KAZN: variants seen among roughly 807,000 people sequenced by gnomAD.
KAZN encodes kazrin.
Under a neutral mutation model 87.4 loss-of-function variants are expected in KAZN, and 40 were observed. The observed-to-expected ratio is 0.46, with a 90% CI of 0.36 to 0.60. KAZN has a LOEUF of 0.60. KAZN is among the 20% of genes least tolerant of loss of function. The pLI is 0.00. For missense variants in KAZN, 898 were observed against 1,073.9 expected, an observed-to-expected ratio of 0.84 and a Z score of 2.29; for synonymous variants, 466 against 458.3, an observed-to-expected ratio of 1.02 and a Z score of -0.22.
chr1:14,818,820 C>T (rs559869552), intron 1 of KAZN, among the ~76,000 whole-genome samples: 44 of 152,100 alleles, frequency 2.9e-4, no homozygotes, highest in South Asian at 2.7e-3. Context: ...TTTGGGAGGC[C>T]GAGGCAGGTG....
chr1:14,525,093 C>G lies in KAZN; in HGVS notation c.250-73890C>G, dbSNP rs184046942. Among the ~76,000 whole-genome samples, 45 of 152,312 alleles carry G rather than the reference C, an allele frequency of 3.0e-4. 1 individual carries two copies. In the East Asian group the frequency reaches 6.2e-3, roughly 21 times the overall value. ...ACACTCAGGTTCAGAGCAGATGACA[C>G]ATGGACATATGTATCAGGGTTGTCC... is the stretch of plus-strand genomic sequence containing the variant. On this transcript the variant is annotated intron_variant, in intron 2 of 16. Transcript: ENST00000636203.
Position 14,819,706 on chromosome 1 carries a change from C to CTTT in KAZN, c.227-140961_227-140959dup, listed in dbSNP as rs775752838. Among the ~76,000 whole-genome samples the CTTT allele has an allele frequency of 1.4e-3, 161 of 117,508 alleles. 2 individuals carry two copies. The highest frequency in any genetic ancestry group is 1.7e-3 in the Non-Finnish European group (101 of 59,016). 77.1% of individuals were successfully genotyped at this position (117,508 alleles called of 152,430 possible). Reference sequence around the variant, plus strand: ...TGAGCCAATTCCTTTGAAAAAAAATCTTTTTTTTTTTTTTTTTTTGAGAAG... The same window carrying CTTT: ...TGAGCCAATTCCTTTGAAAAAAAATCTTTTTTTTTTTTTTTTTTTTTTGAGAAG... On this transcript the variant is annotated intron_variant, in intron 1 of 14. Coordinates refer to ENST00000376030, the MANE Select transcript of KAZN (RefSeq NM_201628.3).
chr1:14,376,732 C>T (rs1324682132), intron 2 of KAZN, among the ~76,000 whole-genome samples: 1 of 152,134 alleles, frequency 6.6e-6, no homozygotes, highest in Non-Finnish European at 1.5e-5. Flanking sequence ...ATCATATGAC[C>T]TCTGTGTGCA....
At chr1:14,366,899 C>T (rs191986167) in intron 2 of KAZN, among the ~76,000 whole-genome samples, 40 of 152,294 alleles carry the variant, frequency 2.6e-4, no homozygotes, top group Admixed American at 4.6e-4. Flanking sequence ...GTCTCACAAA[C>T]GAATGGAAGG....
chr1:14,134,992 CACACACACACAT>C lies in KAZN; in HGVS notation c.92-45442_92-45431del, dbSNP rs1431454233. 1.6e-4 allele frequency among the ~76,000 whole-genome samples: 14 copies of C among 87,674 alleles called. 1 individual carries two copies. Among genetic ancestry groups the C allele is most frequent in the South Asian group, 7.8e-4 (2 of 2,580 alleles). 57.5% of individuals were successfully genotyped at this position (87,674 alleles called of 152,430 possible). A position where few individuals can be genotyped will look rare whatever the true frequency, so the allele number is the denominator to read the frequency against. ...CCGCACACACACACACACACACACA[CACACACACACAT>C]GTGCACACATGCACACATACACTCA... On this transcript the variant is annotated intron_variant, in intron 1 of 16. Coordinates refer to the KAZN transcript ENST00000636203.
intron 10 of KAZN, among the ~76,000 whole-genome samples, chr1:15,098,448 G>A (rs1193008588): frequency 6.6e-6 from 1 of 152,238 alleles, no homozygotes; most frequent in Non-Finnish European, 1.5e-5. Context: ...TGCTGATTAT[G>A]GATGGGCCCC....
chr1:14,557,629 G>GGTGTGTGTGGGT (rs1673972589), intron 2 of KAZN, among the ~76,000 whole-genome samples: 1 of 137,880 alleles, frequency 7.3e-6, no homozygotes, highest in Non-Finnish European at 1.6e-5. Context: ...GGTGTGTGTG[G>GGTGTGTGTGGGT]GTGTGTGTGT....
At chr1:14,225,493 C>T (rs908343958) in intron 2 of KAZN, among the ~76,000 whole-genome samples, 2 of 152,146 alleles carry the variant, frequency 1.3e-5, no homozygotes, top group Non-Finnish European at 2.9e-5. Flanking sequence ...CCTTTTCAAA[C>T]TACCAATGAC....
rs951749282 is a variant in KAZN at position 14,735,152 on chromosome 1, C to T, written c.226+135929C>T. On this transcript the variant is annotated intron_variant, in intron 1 of 14. Coordinates refer to ENST00000376030, the MANE Select transcript of KAZN (RefSeq NM_201628.3). The surrounding 1 kb of genome is among the most constrained non-coding windows in gnomAD (Gnocchi z 4.3). ...TCGGCTCACTGCGAGCTCCGCCTCC[C>T]GGGTTCACTCCATTCTCCTGCCTCA... Among the ~76,000 whole-genome samples, 6 of 152,172 alleles carry T rather than the reference C, an allele frequency of 3.9e-5. No individual in the cohort carries two copies. The highest frequency in any genetic ancestry group is 2.4e-5 in the African/African-American group (1 of 41,448).
intron 2 of KAZN, among the ~76,000 whole-genome samples, chr1:14,290,241 A>G (rs1653576362): frequency 6.6e-6 from 1 of 152,118 alleles, no homozygotes; most frequent in African/African-American, 2.4e-5. Context: ...TAGGTTGGGT[A>G]TTATCTCCTG....
rs181178258 is a variant in KAZN at position 14,816,837 on chromosome 1, A to G, written c.227-143847A>G. On this transcript the variant is annotated intron_variant, in intron 1 of 14. Coordinates refer to ENST00000376030, the MANE Select transcript of KAZN (RefSeq NM_201628.3). Reference sequence around the variant, plus strand: ...AGATGGATGAATGGATGGATAGATGATTGATAGACAGATAGATGGTCCTAG... The same window carrying G: ...AGATGGATGAATGGATGGATAGATGGTTGATAGACAGATAGATGGTCCTAG... Among the ~76,000 whole-genome samples, 46 of 152,310 alleles carry G rather than the reference A, an allele frequency of 3.0e-4. No homozygotes were observed. The East Asian group carries it at 6.4e-3, about 21-fold the overall frequency.
chr1:13,957,977 G>A (rs569261725), intron 1 of KAZN, among the ~76,000 whole-genome samples: 1 of 152,172 alleles, frequency 6.6e-6, no homozygotes, highest in Middle Eastern at 3.2e-3. Flanking sequence ...GAACAGGGAC[G>A]TTCAGTGCTG....
intron 1 of KAZN, among the ~76,000 whole-genome samples, chr1:14,068,367 G>C (rs1438157373): frequency 1.3e-5 from 2 of 152,156 alleles, no homozygotes; most frequent in African/African-American, 2.4e-5. Context: ...TTCTTACCTT[G>C]TGGGCTCCAA....
intron 2 of KAZN, among the ~76,000 whole-genome samples, chr1:14,561,556 C>T (rs1386766300): frequency 2.0e-5 from 3 of 152,074 alleles, no homozygotes; most frequent in Admixed American, 1.3e-4. Context: ...TTTCACATCC[C>T]GGAAGCTGGA....
rs1640930341 is a variant in KAZN at position 15,099,099 on chromosome 1, G to C, written c.1548-2444G>C. On this transcript the variant is annotated intron_variant, in intron 10 of 14. Coordinates refer to ENST00000376030, the MANE Select transcript of KAZN (RefSeq NM_201628.3). The surrounding 1 kb of genome is among the most constrained non-coding windows in gnomAD (Gnocchi z 5.4). Reference sequence around the variant, plus strand: ...AGACGTCTCTGCAGAGTCCATAGGAGTTCACTGGGGGAAGAGGGTGGGGTA... The same window carrying C: ...AGACGTCTCTGCAGAGTCCATAGGACTTCACTGGGGGAAGAGGGTGGGGTA... Among the ~76,000 whole-genome samples, 1 of 152,198 alleles carries C rather than the reference G, an allele frequency of 6.6e-6. No individual in the cohort carries two copies.
At chr1:14,007,128 T>C (rs1479425995) in intron 1 of KAZN, among the ~76,000 whole-genome samples, 4 of 152,218 alleles carry the variant, frequency 2.6e-5, no homozygotes, top group African/African-American at 9.6e-5. Flanking sequence ...TTTGTTTTTT[T>C]AGATAAGTCT....
intron 1 of KAZN, among the ~76,000 whole-genome samples, chr1:13,975,991 A>C (rs1169918351): frequency 1.3e-5 from 2 of 152,344 alleles, no homozygotes; most frequent in East Asian, 3.9e-4. Context: ...AATTTTGTTC[A>C]GTCCATTGCA....
intron 8 of KAZN, among the ~76,000 whole-genome samples, chr1:15,089,276 G>A (rs1206643893): frequency 6.6e-6 from 1 of 152,026 alleles, no homozygotes; most frequent in African/African-American, 2.4e-5. Flanking sequence ...CATAGCCAAG[G>A]GCTGCAGACA....
chr1:14,134,957 G>T (rs368837463), intron 1 of KAZN, among the ~76,000 whole-genome samples: 55 of 130,776 alleles, frequency 4.2e-4, no homozygotes, highest in African/African-American at 1.6e-3. Context: ...AAGCATGCAT[G>T]CATATGCACC....
Sources: allele counts gnomAD v4.1 joint callset (sites outside exome capture counted in the v4.1 genomes callset), GRCh38; gene constraint gnomAD v4.1.1; non-coding constraint Gnocchi (gnomAD v3.1); transcripts MANE v1.5; gene names NCBI Gene and HGNC (gene_info 2026-07-23, HGNC 2026-07-21).